DLG2: variants seen among roughly 807,000 people sequenced by gnomAD.
The protein encoded by DLG2 is disks large homolog 2.
DLG2 carries 45 observed loss-of-function variants against 132.5 expected under a neutral mutation model. The observed-to-expected ratio is 0.34, with a 90% CI of 0.27 to 0.44. The LOEUF (loss-of-function observed/expected upper bound fraction) is 0.44, where lower values mean the gene tolerates loss of function less well. Ranked by LOEUF, DLG2 falls within the 20% of genes least tolerant of loss-of-function variation. The pLI, the probability that DLG2 is intolerant of heterozygous loss-of-function variation, is 1.00. For synonymous variants in DLG2, 424 were observed against 419.6 expected, an observed-to-expected ratio of 1.01 and a Z score of -0.13; for missense variants, 1,045 against 1,196.9, an observed-to-expected ratio of 0.87 and a Z score of 1.87.
intron 6 of DLG2, among the ~76,000 whole-genome samples, chr11:85,015,329 T>C (rs893032290): frequency 1.3e-5 from 2 of 151,936 alleles, no homozygotes; most frequent in Non-Finnish European, 2.9e-5. Flanking sequence ...GTTTATGTTC[T>C]AGTCCAACAT....
intron 4 of DLG2, among the ~76,000 whole-genome samples, chr11:85,267,191 G>A (rs1317258312): frequency 6.6e-6 from 1 of 152,172 alleles, no homozygotes; most frequent in Non-Finnish European, 1.5e-5. Context: ...AGACATGAGA[G>A]GACTTACTTT....
chr11:85,143,074 G>C (rs1028277697), intron 5 of DLG2, among the ~76,000 whole-genome samples: 1 of 151,734 alleles, frequency 6.6e-6, no homozygotes, highest in Non-Finnish European at 1.5e-5. Context: ...CATGAAATGA[G>C]TTTGGAAGTG....
At chr11:84,495,624 G>A (rs935944859) in intron 7 of DLG2, among the ~76,000 whole-genome samples, 1 of 152,072 alleles carries the variant, frequency 6.6e-6, no homozygotes, top group Non-Finnish European at 1.5e-5. Context: ...CATCTATTTT[G>A]GGAAAACTCT....
intron 3 of DLG2, among the ~76,000 whole-genome samples, chr11:85,382,247 T>A (rs969092961): frequency 6.6e-6 from 1 of 152,104 alleles, no homozygotes; most frequent in African/African-American, 2.4e-5. Flanking sequence ...TCAACAATGA[T>A]GCCAAGACAA....
intron 12 of DLG2, among the ~76,000 whole-genome samples, chr11:83,979,940 T>C (rs141094490): frequency 1.1e-4 from 16 of 152,304 alleles, no homozygotes; most frequent in African/African-American, 3.8e-4. Flanking sequence ...AGAAAATTAA[T>C]GAAAATTTAG....
intron 7 of DLG2, among the ~76,000 whole-genome samples, chr11:84,475,450 A>G (rs1243590327): frequency 1.3e-5 from 2 of 152,046 alleles, no homozygotes; most frequent in Non-Finnish European, 2.9e-5. Flanking sequence ...GACTCCTCTA[A>G]GGGTGATTTG....
chr11:85,209,506 C>A (rs1466079290), intron 4 of DLG2, among the ~76,000 whole-genome samples: 1 of 131,928 alleles, frequency 7.6e-6, no homozygotes, highest in Non-Finnish European at 1.6e-5. Context: ...CCCAGGCCTG[C>A]AACCTCTGCC....
rs182790468 is a variant in DLG2, at chr11:85,170,068, A to G, written c.187-15417T>C. 5.0e-4 allele frequency among the ~76,000 whole-genome samples: 76 copies of G among 152,322 alleles called. 2 individuals carry two copies. Among genetic ancestry groups the G allele is most frequent in the African/African-American group, 1.6e-3 (67 of 41,564 alleles). ...AAAAGCACATAATTTTAATTCAATA[A>G]AAGTTTATATATTACATGGCAGCGA... On this transcript the variant is annotated intron_variant, in intron 4 of 27. Transcript: ENST00000376104.
intron 18 of DLG2, among the ~76,000 whole-genome samples, chr11:83,745,100 T>C (rs1270711995): frequency 6.6e-6 from 1 of 152,170 alleles, no homozygotes; most frequent in African/African-American, 2.4e-5. Context: ...CATGATTGGT[T>C]CCCATGCATC....
At chr11:83,943,340 A>G (rs2083091603) in intron 14 of DLG2, among the ~76,000 whole-genome samples, 1 of 151,214 alleles carries the variant, frequency 6.6e-6, no homozygotes, top group South Asian at 2.1e-4. Flanking sequence ...TGTATTGGGT[A>G]CTTTTCAATT....
intron 12 of DLG2, among the ~76,000 whole-genome samples, chr11:83,976,745 A>T (rs1451937823): frequency 6.6e-6 from 1 of 151,704 alleles, no homozygotes; most frequent in Non-Finnish European, 1.5e-5. Context: ...AAGTTTCTTT[A>T]AAAAAAACTA....
At chr11:84,807,394 C>T (rs781658944) in intron 6 of DLG2, among the ~76,000 whole-genome samples, 4 of 151,754 alleles carry the variant, frequency 2.6e-5, no homozygotes, top group Non-Finnish European at 5.9e-5. Flanking sequence ...TGCAGTGAGC[C>T]GAGATTGTGC....
chr11:83,707,934 AC>A (rs2084441839), intron 18 of DLG2, among the ~76,000 whole-genome samples: 1 of 152,148 alleles, frequency 6.6e-6, no homozygotes, highest in Admixed American at 6.5e-5. Flanking sequence ...TTAGAGTCCC[AC>A]CTTTGATACT....
At chr11:84,592,906 G>A (rs1311184526) in intron 6 of DLG2, among the ~76,000 whole-genome samples, 2 of 116,734 alleles carry the variant, frequency 1.7e-5, no homozygotes, top group Non-Finnish European at 3.3e-5. Flanking sequence ...GACCATTCTG[G>A]CTAACACGGT....
chr11:83,706,086 C>T (rs548385410), intron 18 of DLG2, among the ~76,000 whole-genome samples: 6 of 151,922 alleles, frequency 3.9e-5, no homozygotes, highest in Admixed American at 6.6e-5. Flanking sequence ...GGCATGGTGG[C>T]GGGTGCCTGT....
intron 18 of DLG2, among the ~76,000 whole-genome samples, chr11:83,758,678 T>C (rs1211601594): frequency 6.6e-6 from 1 of 152,140 alleles, no homozygotes; most frequent in East Asian, 1.9e-4. Context: ...AAAAAATGCA[T>C]GCAATCTGCT....
At chr11:84,826,407 G>C (rs2153987639) in intron 6 of DLG2, among the ~76,000 whole-genome samples, 2 of 151,882 alleles carry the variant, frequency 1.3e-5, no homozygotes, top group South Asian at 4.2e-4. Context: ...CCTTGCTAAA[G>C]TGTAAGAGAT....
intron 18 of DLG2, among the ~76,000 whole-genome samples, chr11:83,667,492 T>C (rs1476407568): frequency 6.6e-6 from 1 of 152,220 alleles, no homozygotes; most frequent in Non-Finnish European, 1.5e-5. Context: ...AGGAGGAATT[T>C]CATGTGAGCT....
At chr11:83,770,915 TATGTC>T (rs2094366710) in intron 18 of DLG2, among the ~76,000 whole-genome samples, 1 of 152,164 alleles carries the variant, frequency 6.6e-6, no homozygotes, top group Non-Finnish European at 1.5e-5. Flanking sequence ...TAAACATCCA[TATGTC>T]AGCAGACTAT....
Sources: allele counts gnomAD v4.1 joint callset (sites outside exome capture counted in the v4.1 genomes callset), GRCh38; gene constraint gnomAD v4.1.1; transcripts MANE v1.5; gene names NCBI Gene and HGNC (gene_info 2026-07-23, HGNC 2026-07-21).